Variants in SFSWAP observed in about 807,000 individuals in gnomAD.
SFSWAP encodes splicing factor SWAP, also known as splicing factor, suppressor of white-apricot homolog.
SFSWAP carries 17 observed loss-of-function variants against 100.7 expected under a neutral mutation model. The observed-to-expected ratio is 0.17, with a 90% confidence interval of 0.12 to 0.25. The LOEUF is 0.25. Ranked by LOEUF, SFSWAP falls within the 10% of genes least tolerant of loss-of-function variation. The pLI is 1.00. For missense variants in SFSWAP, 1,005 were observed against 1,262.6 expected (o/e 0.80, Z 3.09); for synonymous variants, 504 against 510.1 (o/e 0.99, Z 0.16).
intron 15 of SFSWAP, 110 bp from the exon 16 acceptor site, chr12:131,797,068 T>A: frequency 3.4e-6 from 3 of 891,586 alleles, no homozygotes. Flanking sequence ...CGTCCCTGAA[T>A]TGTGCCTTGA....
intron 7 of SFSWAP, among the ~76,000 whole-genome samples, chr12:131,728,878 A>T (rs778795299): frequency 6.6e-6 from 1 of 151,986 alleles, no homozygotes. Flanking sequence ...ATTTTTTGAT[A>T]GGGATGGGGT....
chr12:131,751,102 AAGGTCATAT>A (rs1881579918), intron 7 of SFSWAP, among the ~76,000 whole-genome samples: 1 of 152,078 alleles, frequency 6.6e-6, no homozygotes, highest in Admixed American at 6.6e-5. Context: ...AAGGCTCAGG[AAGGTCATAT>A]AGACTAACAG....
chr12:131,785,002 T>A (rs1405952400), intron 14 of SFSWAP: 1 of 1,282,670 alleles, frequency 7.8e-7, no homozygotes, highest in African/African-American at 1.5e-5. Context: ...CAGAGCTTTT[T>A]TCAGAGTTCT....
chr12:131,741,053 A>G (rs1465031456), intron 7 of SFSWAP, among the ~76,000 whole-genome samples: 22 of 121,742 alleles, frequency 1.8e-4, no homozygotes, highest in Admixed American at 6.0e-4. Flanking sequence ...GCTTACTGCA[A>G]CCTCCACCTC....
At chr12:131,780,720 A>G (rs559450547) in intron 14 of SFSWAP, among the ~76,000 whole-genome samples, 12 of 152,216 alleles carry the variant, frequency 7.9e-5, no homozygotes, top group Admixed American at 2.0e-4. Flanking sequence ...GTTTCTTACG[A>G]CATTACATAG....
In SFSWAP at chr12:131,786,680, G is replaced by A. The variant is rs75183704; in HGVS notation, c.2534+92G>A. 1.1e-4 allele frequency: 147 copies of A among 1,390,632 alleles called. 1 individual carries two copies. In the East Asian group the frequency reaches 3.5e-3, roughly 33 times the overall value. The allele number at this position is 1,390,632 out of a possible 1,614,324, so 86.1% of individuals were successfully genotyped here. A position where few individuals can be genotyped will look rare whatever the true frequency, so the allele number is the denominator to read the frequency against. Reference sequence around the variant, plus strand: ...TGAAGGTCGGGTATCTGTGAGCAGAGCTGTGGATGACCAGAGGGAGGTGCT... The same window carrying A: ...TGAAGGTCGGGTATCTGTGAGCAGAACTGTGGATGACCAGAGGGAGGTGCT... On this transcript the variant is annotated intron_variant, in intron 15 of 17. Transcript: ENST00000261674.
chr12:131,759,607 G>A (rs1882474385), intron 11 of SFSWAP, among the ~76,000 whole-genome samples: 1 of 151,972 alleles, frequency 6.6e-6, no homozygotes, highest in African/African-American at 2.4e-5. Context: ...AGACCATCCT[G>A]GCTAACACGG....
At position 131,734,624 on chromosome 12, in the gene SFSWAP, G is replaced by A. The variant is rs905344216; in HGVS notation, c.1081+6196G>A. On this transcript the variant is annotated intron_variant, in intron 7 of 17. Transcript: ENST00000261674. The surrounding 1 kb of genome is among the most constrained non-coding windows in gnomAD (Gnocchi z 4.9). The stretch of plus-strand genomic sequence containing the variant: ...GGCTGGGACTGTCTTACTAGCCAGC[G>A]TGCTCCTTGCACCTCGATCCAAGGG... Among the ~76,000 whole-genome samples the A allele has an allele frequency of 6.6e-6, 1 of 152,208 alleles. No individual in the cohort carries two copies. Among genetic ancestry groups the A allele is most frequent in the Admixed American group, 6.5e-5 (1 of 15,286 alleles).
intron 13 of SFSWAP, among the ~76,000 whole-genome samples, chr12:131,769,906 G>T (rs1883448294): frequency 6.6e-6 from 1 of 152,110 alleles, no homozygotes; most frequent in South Asian, 2.1e-4. Flanking sequence ...GCAGGCATTG[G>T]TTTTTGAATC....
intron 14 of SFSWAP, chr12:131,785,373 C>T: frequency 1.6e-6 from 1 of 634,918 alleles, no homozygotes; most frequent in East Asian, 2.9e-5. Flanking sequence ...AGCTGATCTG[C>T]AGAAGCACAG....
intron 15 of SFSWAP, among the ~76,000 whole-genome samples, chr12:131,793,558 CAA>C (rs1010430252): frequency 5.9e-5 from 9 of 152,020 alleles, no homozygotes; most frequent in African/African-American, 1.9e-4. Context: ...TTGAGGGTGG[CAA>C]AGATTCCTTA....
At chr12:131,775,556 T>G (rs1394392223) in intron 13 of SFSWAP, among the ~76,000 whole-genome samples, 2 of 152,322 alleles carry the variant, frequency 1.3e-5, no homozygotes, top group East Asian at 3.9e-4. Context: ...AAACCTGTGT[T>G]CTTTGCTCTT....
chr12:131,786,315 G>T, intron 14 of SFSWAP, 148 bp from the exon 15 acceptor site: 1 of 870,162 alleles, frequency 1.1e-6, no homozygotes, highest in East Asian at 2.7e-5. Context: ...GTGTGGCAGG[G>T]GTTCTCTGAA....
chr12:131,727,123 T>G, intron 6 of SFSWAP, 71 bp downstream of exon 6: 1 of 824,248 alleles, frequency 1.2e-6, no homozygotes, highest in South Asian at 1.5e-5. Context: ...TTTGGAAAAT[T>G]TGAAGCATGT....
intron 7 of SFSWAP, among the ~76,000 whole-genome samples, chr12:131,750,815 C>CCACTT (rs1404233658): frequency 6.6e-6 from 1 of 152,192 alleles, no homozygotes; most frequent in African/African-American, 2.4e-5. Flanking sequence ...CCACAGCCTC[C>CCACTT]CAAGTAGCTG....
At chr12:131,717,877 C>A (rs1878078129) in intron 3 of SFSWAP, among the ~76,000 whole-genome samples, 1 of 152,062 alleles carries the variant, frequency 6.6e-6, no homozygotes, top group African/African-American at 2.4e-5. Flanking sequence ...ATTACAGGCG[C>A]CCGCCACCAC....
intron 15 of SFSWAP, among the ~76,000 whole-genome samples, chr12:131,787,054 T>C (rs1256825270): frequency 1.3e-5 from 2 of 152,124 alleles, no homozygotes; most frequent in African/African-American, 4.8e-5. Flanking sequence ...CAGAGTCCTG[T>C]TGGGGCCTAG....
At chr12:131,728,572 G>C in intron 7 of SFSWAP, 144 bp downstream of exon 7, 1 of 862,864 alleles carries the variant, frequency 1.2e-6, no homozygotes, top group Non-Finnish European at 1.8e-6. Context: ...TGGTCCCAAG[G>C]GAGAGTGCCA....
At chr12:131,772,071 G>A (rs1021655477) in intron 13 of SFSWAP, among the ~76,000 whole-genome samples, 2 of 152,126 alleles carry the variant, frequency 1.3e-5, no homozygotes, top group African/African-American at 2.4e-5. Flanking sequence ...CTTATGCTGC[G>A]TCATGTTAGC....
Sources: gnomAD v4.1 joint callset for allele counts (sites outside exome capture counted in the v4.1 genomes callset) on GRCh38, gnomAD v4.1.1 for gene constraint, Gnocchi (gnomAD v3.1) non-coding constraint, MANE v1.5 for transcripts, NCBI Gene and HGNC (gene_info 2026-07-23, HGNC 2026-07-21) for gene names.